GCM2: variants seen among roughly 807,000 people sequenced by gnomAD.
GCM2 encodes GCM transcription factor 2, also known as chorion-specific transcription factor GCMb.
In GCM2, 21 loss-of-function variants were observed where a neutral mutation model predicts 24.8. That is an observed-to-expected ratio of 0.85 (90% CI 0.60 to 1.22). The LOEUF is 1.22. GCM2 is among the 50% of genes most tolerant of loss of function. The pLI is 0.00. For missense variants in GCM2, 532 were observed against 645.6 expected, an observed-to-expected ratio of 0.82 and a Z score of 1.91; for synonymous variants, 222 against 238.0, an observed-to-expected ratio of 0.93 and a Z score of 0.62.
In GCM2 at chr6:10,873,629, G is replaced by T; in HGVS notation, c.*366C>A. On this transcript the variant is annotated 3_prime_UTR_variant, in exon 5 of 5. Transcript: ENST00000379491. ...CTCTAGGGATGTGAAATTCCCTAAG[G>T]TGCTCTAATGGGAAAAGTCCTAGAA... The T allele has an allele frequency of 3.2e-6, 1 of 308,720 alleles. No homozygotes were observed. The highest frequency in any genetic ancestry group is 4.4e-5 in the Admixed American group (1 of 22,508). The allele number at this position is 308,720 out of a possible 1,614,324, so 19.1% of individuals were successfully genotyped here.
intron 1 of GCM2, among the ~76,000 whole-genome samples, chr6:10,881,056 C>G (rs1227419399): frequency 6.6e-6 from 1 of 152,232 alleles, no homozygotes; most frequent in Non-Finnish European, 1.5e-5. Context: ...CCGCTCTCCC[C>G]AAGACTGGGA....
chr6:10,875,055 A>G (rs1779857596), intron 4 of GCM2, 122 bp from the exon 5 acceptor site: 2 of 770,692 alleles, frequency 2.6e-6, no homozygotes, highest in South Asian at 1.4e-5. Flanking sequence ...TGTTGTGAAC[A>G]TGGCACTGCT....
chr6:10,873,841 T>C lies in GCM2; in HGVS notation c.*154A>G, dbSNP rs1779836408. 1.4e-6 allele frequency: 1 copy of C among 702,612 alleles called. No individual in the cohort carries two copies. The highest frequency in any genetic ancestry group is 1.5e-5 in the South Asian group (1 of 64,976). The allele number at this position is 702,612 out of a possible 1,614,324, so 43.5% of individuals were successfully genotyped here. ...CCCATATTATCTAATCATTTCCAAC[T>C]GATTATTTTCTCAGTTACTCAGAAT... On this transcript the variant is annotated 3_prime_UTR_variant, in exon 5 of 5. Coordinates refer to ENST00000379491, the MANE Select transcript of GCM2 (RefSeq NM_004752.4).
Position 10,874,449 on chromosome 6 carries a change from G to C in GCM2, c.1067C>G (p.Thr356Ser). Residue 356 changes from threonine (T) to serine (S), a missense_variant, in exon 5 of 5, where the codon ACT becomes AGT. Around this residue, in one of 3 missense-constraint regions of GCM2, gnomAD observed 434 missense variants for 521.9 expected, o/e 0.83. Transcript: ENST00000379491. ...AAGCTCTGGGTTATAATAAGGGCGA[G>C]TGGCCATGGCCTGAAACTGCCCATG... ...TNHGQFQAMA[T>S]RPYYNPELPC... 6.2e-7 allele frequency: 1 copy of C among 1,614,226 alleles called. No individual in the cohort carries two copies. The highest frequency in any genetic ancestry group is 8.5e-7 in the Non-Finnish European group (1 of 1,180,034).
intron 1 of GCM2, 87 bp downstream of exon 1, chr6:10,881,617 C>A (rs1380683849): frequency 1.3e-6 from 1 of 770,620 alleles, no homozygotes; most frequent in Admixed American, 2.0e-5. Context: ...TATGGTCCGT[C>A]CGCAGACTCT....
At chr6:10,875,745 TA>T in intron 4 of GCM2, 145 bp downstream of exon 4, 1 of 816,794 alleles carries the variant, frequency 1.2e-6, no homozygotes, top group East Asian at 2.6e-5. Context: ...AATGTTGATT[TA>T]ATGATATTTT....
At chr6:10,881,235 C>T (rs1243318547) in intron 1 of GCM2, among the ~76,000 whole-genome samples, 4 of 152,014 alleles carry the variant, frequency 2.6e-5, no homozygotes, top group African/African-American at 7.2e-5. Flanking sequence ...CTTGGCTCAC[C>T]GCAACCTCTG....
intron 1 of GCM2, among the ~76,000 whole-genome samples, chr6:10,879,823 G>A (rs1779933897): frequency 1.3e-5 from 2 of 152,200 alleles, no homozygotes; most frequent in African/African-American, 4.8e-5. Context: ...TTACTTGGAT[G>A]TGACTTTTCT....
intron 2 of GCM2, 128 bp downstream of exon 2, chr6:10,877,012 G>A (rs994410128): frequency 1.6e-6 from 2 of 1,250,014 alleles, no homozygotes; most frequent in Non-Finnish European, 2.3e-6. Flanking sequence ...GCAGTGAGCT[G>A]AGATTGCACC....
rs763837430 is a variant in GCM2, at chr6:10,874,742, G to T, written c.774C>A (p.Phe258Leu). The part of the protein sequence containing the change: ...ATFQGDKMPP[F>L]QKYSSPRIYL... The stretch of plus-strand genomic sequence containing the variant: ...AGATTCTTGGGCTTGAGTATTTCTG[G>T]AAGGGTGGCATTTTGTCTCCTTGAA... The change falls in exon 5 of 5, where the codon TTC (phenylalanine) becomes TTA (leucine). Residue 258 changes from phenylalanine (F) to leucine (L), a missense_variant. By Grantham distance (22) the Phe-to-Leu change is conservative (BLOSUM62 0). Transcript: ENST00000379491. The T allele has an allele frequency of 6.2e-7, 1 of 1,614,148 alleles. No homozygotes were observed. Among genetic ancestry groups the T allele is most frequent in the South Asian group, 1.1e-5 (1 of 91,084 alleles).
rs187422939 is a variant in GCM2, at chr6:10,875,057, G to C, written c.583-124C>G. The C allele has an allele frequency of 3.8e-5, 29 of 766,162 alleles. No individual in the cohort carries two copies. In the East Asian group the frequency reaches 7.6e-4, roughly 20 times the overall value. The allele number at this position is 766,162 out of a possible 1,614,324, so 47.5% of individuals were successfully genotyped here. On this transcript the variant is annotated intron_variant, in intron 4 of 4. Transcript: ENST00000379491. ...GTGCTGGGCTCTGTGTTGTGAACAT[G>C]GCACTGCTCAGGTACGTGATGTAAG...
intron 2 of GCM2, among the ~76,000 whole-genome samples, 154 bp downstream of exon 2, chr6:10,876,986 C>G (rs540909126): frequency 4.1e-4 from 62 of 152,342 alleles, no homozygotes; most frequent in South Asian, 1.0e-3. Context: ...TCGCTTGAAC[C>G]CGGGAGGCGG....
intron 1 of GCM2, 140 bp downstream of exon 1, chr6:10,881,554 ATGTGTGTGTG>A (rs35911329): frequency 0.055 from 23,387 of 427,440 alleles, 263 homozygotes; most frequent in African/African-American, 0.092. Context: ...TTTTGCGGGT[ATGTGTGTGTG>A]TGTGTGTGTG....
rs1779834954 is a variant in GCM2, at chr6:10,873,705, T to C, written c.*290A>G. 1 of 435,762 alleles carries C rather than the reference T, an allele frequency of 2.3e-6. No individual in the cohort carries two copies. Among genetic ancestry groups the C allele is most frequent in the African/African-American group, 2.0e-5 (1 of 49,916 alleles). The allele number at this position is 435,762 out of a possible 1,614,324, so 27.0% of individuals were successfully genotyped here. The stretch of plus-strand genomic sequence containing the variant: ...CTCCTGCTAATAAGCTAAGTGAACT[T>C]AGGTCAGTATTTAACCTCCTACAGT... On this transcript the variant is annotated 3_prime_UTR_variant, in exon 5 of 5. Coordinates refer to ENST00000379491, the MANE Select transcript of GCM2 (RefSeq NM_004752.4).
Position 10,874,804 on chromosome 6 carries a change from A to T in GCM2, c.712T>A (p.Ser238Thr). 2 of 1,613,348 alleles carry T rather than the reference A, an allele frequency of 1.2e-6. No homozygotes were observed. Among genetic ancestry groups the T allele is most frequent in the African/African-American group, 2.7e-5 (2 of 74,928 alleles). Residue 238 changes from serine (S) to threonine (T), a missense_variant, in exon 5 of 5, where the codon TCT becomes ACT. Around this residue, in one of 3 missense-constraint regions of GCM2, gnomAD observed 434 missense variants for 521.9 expected, o/e 0.83. Coordinates refer to ENST00000379491, the MANE Select transcript of GCM2 (RefSeq NM_004752.4). ...PGQPCPSFPK[S>T]DVYKATCDLA... ...TCACAGGTAGCTTTGTAAACATCAG[A>T]CTTTGGGAAGGAAGGGCAAGGCTGC...
Position 10,874,282 on chromosome 6 carries a change from A to T in GCM2, c.1234T>A (p.Ser412Thr). 6.2e-7 allele frequency: 1 copy of T among 1,614,238 alleles called. No individual in the cohort carries two copies. The highest frequency in any genetic ancestry group is 1.1e-5 in the South Asian group (1 of 91,090). Reference protein sequence around the residue: ...SDSVREVKSLSSCNYAPEDTG... With the variant: ...SDSVREVKSLTSCNYAPEDTG... ...TCTTCAGGAGCATAGTTACAGCTCG[A>T]AAGGCTCTTCACCTCTCGCACACTG... The change falls in exon 5 of 5, where the codon TCG (serine) becomes ACG (threonine). Residue 412 changes from serine to threonine, a missense_variant. Transcript: ENST00000379491.
Position 10,877,314 on chromosome 6 carries a change from C to G in GCM2, c.169G>C (p.Ala57Pro). ...RFIYSSDEKK[A>P]QRHLSGWAMR... The stretch of plus-strand genomic sequence containing the variant: ...GCCCAGCCGCTCAGGTGACGCTGTG[C>G]CTTCTTCTCATCGCTGCTGTAGATG... Residue 57 changes from alanine to proline, a missense_variant, in exon 2 of 5, where the codon GCA becomes CCA. Physicochemically the swap from Ala to Pro is conservative, Grantham distance 27 (BLOSUM62 -1). Around this residue, in one of 3 missense-constraint regions of GCM2, gnomAD observed 96 missense variants for 103.5 expected, o/e 0.93. Transcript: ENST00000379491. The G allele has an allele frequency of 6.2e-7, 1 of 1,614,206 alleles. No individual in the cohort carries two copies. Among genetic ancestry groups the G allele is most frequent in the Non-Finnish European group, 8.5e-7 (1 of 1,180,042 alleles).
Position 10,874,078 on chromosome 6 carries a change from C to T in GCM2, c.1438G>A (p.Val480Met). 1 of 1,614,256 alleles carries T rather than the reference C, an allele frequency of 6.2e-7. No individual in the cohort carries two copies. Among genetic ancestry groups the T allele is most frequent in the Non-Finnish European group, 8.5e-7 (1 of 1,180,046 alleles). The change falls in exon 5 of 5, where the codon GTG becomes ATG. Residue 480 changes from valine to methionine, a missense_variant. By Grantham distance (21) the Val-to-Met change is conservative. Transcript: ENST00000379491. ...GCGGAGCCCAGCCCAGACAGACACA[C>T]ATCCCAAGTCTCTGCTTCATCTGTC... is the stretch of plus-strand genomic sequence containing the variant. ...SRTDEAETWD[V>M]CLSGLGSAVS...
rs190482909 is a variant in GCM2 at position 10,881,869 on chromosome 6, T to A, written c.-76A>T. On this transcript the variant is annotated 5_prime_UTR_variant, in exon 1 of 5. Coordinates refer to ENST00000379491, the MANE Select transcript of GCM2 (RefSeq NM_004752.4). ...AAAAGGACAGGTGCGCCAGGTGGGT[T>A]TTTTTTCTTCTCTTTAAAGAAGAAA... 6.1e-6 allele frequency: 7 copies of A among 1,146,890 alleles called. No individual in the cohort carries two copies. Among genetic ancestry groups the A allele is most frequent in the Admixed American group, 5.5e-5 (3 of 54,350 alleles). The allele number at this position is 1,146,890 out of a possible 1,614,324, so 71.0% of individuals were successfully genotyped here.
Sources: gnomAD v4.1 joint callset for allele counts (sites outside exome capture counted in the v4.1 genomes callset) on GRCh38, gnomAD v4.1.1 for gene constraint, gnomAD v4.1.1 regional missense constraint, MANE v1.5 for transcripts, NCBI Gene and HGNC (gene_info 2026-07-23, HGNC 2026-07-21) for gene names.